The following CPNE8 variants were observed in gnomAD, a reference collection of about 807,000 sequenced individuals.
The protein encoded by CPNE8 is copine-8.
In CPNE8, 45 loss-of-function variants were observed where a neutral mutation model predicts 81.5. The ratio of observed to expected loss-of-function variants is 0.55; its 90% CI spans 0.44 to 0.71. The LOEUF (loss-of-function observed/expected upper bound fraction) is 0.71. Ranked by LOEUF, CPNE8 falls within the 30% of genes least tolerant of loss-of-function variation. CPNE8 has a pLI of 0.00. For synonymous variants in CPNE8, 252 were observed against 226.3 expected (o/e 1.11, Z -1.02); for missense variants, 594 against 672.1 (o/e 0.88, Z 1.28).
intron 10 of CPNE8, among the ~76,000 whole-genome samples, chr12:38,751,025 TATGAGATCTG>T (rs1324066298): frequency 1.3e-5 from 2 of 152,178 alleles, no homozygotes; most frequent in Non-Finnish European, 2.9e-5. Flanking sequence ...AAATAAGTCT[TATGAGATCTG>T]ATGGTTTTGA....
rs576373980 is a variant in CPNE8 at position 38,874,686 on chromosome 12, A to T, written c.99-175T>A. On this transcript the variant is annotated intron_variant, in intron 1 of 19. Coordinates refer to ENST00000331366, the MANE Select transcript of CPNE8 (RefSeq NM_153634.3). ...ATGTCCCAAGGGTCTGCTTGTATAT[A>T]TTCAGACTGAACATCACTGGACTCC... is the stretch of plus-strand genomic sequence containing the variant. 5.9e-5 allele frequency among the ~76,000 whole-genome samples: 9 copies of T among 152,324 alleles called. No homozygotes were observed. In the South Asian group the frequency reaches 1.9e-3, roughly 32 times the overall value.
chr12:38,816,114 T>C (rs2136997094), intron 6 of CPNE8, among the ~76,000 whole-genome samples: 1 of 152,296 alleles, frequency 6.6e-6, no homozygotes, highest in East Asian at 1.9e-4. Context: ...AGCAAGGCTA[T>C]TATAATTTTA....
rs149393818 is a variant in CPNE8 at position 38,828,877 on chromosome 12, T to C, written c.407+502A>G. Reference sequence around the variant, plus strand: ...ATGCAATTGACATGAAAACTAAACATGATCCTAGTAATTGAAGGTGAAGAT... The same window carrying C: ...ATGCAATTGACATGAAAACTAAACACGATCCTAGTAATTGAAGGTGAAGAT... On this transcript the variant is annotated intron_variant, in intron 6 of 19. Transcript: ENST00000331366. Among the ~76,000 whole-genome samples, 70 of 152,286 alleles carry C rather than the reference T, an allele frequency of 4.6e-4. No homozygotes were observed. The East Asian group carries it at 0.011, about 24-fold the overall frequency.
Position 38,786,597 on chromosome 12 carries a change from T to C in CPNE8, c.408-10296A>G, listed in dbSNP as rs565234833. On this transcript the variant is annotated intron_variant, in intron 6 of 19. Transcript: ENST00000331366. ...ACTTTGTGATCGTGTGAGTTATTAA[T>C]ATATATATATTCCATTAGTTCTGTC... Among the ~76,000 whole-genome samples, 10 of 152,100 alleles carry C rather than the reference T, an allele frequency of 6.6e-5. No individual in the cohort carries two copies. The South Asian group carries it at 2.1e-3, about 32-fold the overall frequency.
intron 10 of CPNE8, among the ~76,000 whole-genome samples, chr12:38,755,933 G>A (rs1401661732): frequency 6.7e-6 from 1 of 149,756 alleles, no homozygotes; most frequent in Non-Finnish European, 1.5e-5. Context: ...CCAGCTACTC[G>A]GGAGGCTGAG....
chr12:38,760,872 C>T lies in CPNE8; in HGVS notation c.697G>A (p.Val233Met), dbSNP rs762045020. The T allele has an allele frequency of 6.3e-7, 1 of 1,575,620 alleles. No individual in the cohort carries two copies. The highest frequency in any genetic ancestry group is 8.6e-7 in the Non-Finnish European group (1 of 1,167,550). ...CTTCCATCTCGGTCCCAGTCATACA[C>T]CTCTACTTTGATTGTTCTGTACATG... is the stretch of plus-strand genomic sequence containing the variant. ...GDYDRTIKVE[V>M]YDWDRDGSHD... The change falls in exon 10 of 20, where the codon GTG (valine) becomes ATG (methionine). Residue 233 changes from valine (V) to methionine (M), a missense_variant. By Grantham distance (21) the Val-to-Met change is conservative. Transcript: ENST00000331366.
At chr12:38,752,080 G>A (rs1426635033) in intron 10 of CPNE8, among the ~76,000 whole-genome samples, 1 of 152,098 alleles carries the variant, frequency 6.6e-6, no homozygotes, top group Non-Finnish European at 1.5e-5. Flanking sequence ...AAACATCTGT[G>A]TTTATTCCAT....
At chr12:38,883,444 T>C (rs980121236) in intron 1 of CPNE8, among the ~76,000 whole-genome samples, 3 of 152,206 alleles carry the variant, frequency 2.0e-5, no homozygotes, top group Admixed American at 2.0e-4. Flanking sequence ...TTGCAGAAGA[T>C]TTAATTTTGT....
intron 10 of CPNE8, among the ~76,000 whole-genome samples, chr12:38,742,389 C>G (rs544860511): frequency 4.6e-5 from 7 of 151,864 alleles, no homozygotes; most frequent in Non-Finnish European, 1.0e-4. Flanking sequence ...GGACATGGTT[C>G]GAAGCTGGAA....
intron 13 of CPNE8, among the ~76,000 whole-genome samples, chr12:38,717,429 G>GTGTATATATGTATATATATATA (rs770984926): frequency 5.7e-5 from 5 of 87,052 alleles, no homozygotes; most frequent in African/African-American, 2.3e-4. Context: ...AAAGTGTGGT[G>GTGTATATATGTATATATATATA]TATATATATA....
chr12:38,848,128 C>A (rs1475016756), intron 4 of CPNE8, among the ~76,000 whole-genome samples: 1 of 152,134 alleles, frequency 6.6e-6, no homozygotes, highest in African/African-American at 2.4e-5. Context: ...ACTCGATTAT[C>A]CTGGTCCTTG....
chr12:38,805,603 T>C (rs1321389364), intron 6 of CPNE8, among the ~76,000 whole-genome samples: 1 of 103,960 alleles, frequency 9.6e-6, no homozygotes, highest in Non-Finnish European at 2.0e-5. Context: ...ATGGCACATG[T>C]ATACATATGT....
intron 1 of CPNE8, among the ~76,000 whole-genome samples, chr12:38,897,730 CA>C (rs1944408381): frequency 6.6e-6 from 1 of 151,624 alleles, no homozygotes; most frequent in African/African-American, 2.4e-5. Context: ...ATACATGAGA[CA>C]AAAATGAACT....
At chr12:38,672,006 C>T (rs1340776305) in intron 18 of CPNE8, among the ~76,000 whole-genome samples, 1 of 152,078 alleles carries the variant, frequency 6.6e-6, no homozygotes, top group African/African-American at 2.4e-5. Flanking sequence ...AAATATAACT[C>T]ATTATGTTCA....
At chr12:38,806,399 C>T (rs1269269050) in intron 6 of CPNE8, among the ~76,000 whole-genome samples, 1 of 149,144 alleles carries the variant, frequency 6.7e-6, no homozygotes, top group Admixed American at 6.7e-5. Context: ...AAAAGCTTAT[C>T]CACCATGATC....
intron 19 of CPNE8, among the ~76,000 whole-genome samples, chr12:38,663,302 C>A (rs1176801289): frequency 2.0e-5 from 3 of 151,598 alleles, no homozygotes; most frequent in Non-Finnish European, 3.0e-5. Context: ...CAAAAACAAA[C>A]CAAAAACACC....
Position 38,732,672 on chromosome 12 carries a change from A to G in CPNE8, c.723-2314T>C, listed in dbSNP as rs1345188181. Among the ~76,000 whole-genome samples the G allele has an allele frequency of 2.0e-5, 3 of 152,078 alleles. No individual in the cohort carries two copies. The South Asian group carries it at 6.2e-4, about 31-fold the overall frequency. On this transcript the variant is annotated intron_variant, in intron 10 of 19. Coordinates refer to ENST00000331366, the MANE Select transcript of CPNE8 (RefSeq NM_153634.3). ...GTCTCTAGCAAGACATGTCTTCATG[A>G]CATACTGTCCTCTGCAGACTTTTCA... is the stretch of plus-strand genomic sequence containing the variant.
intron 11 of CPNE8, 33 bp downstream of exon 11, chr12:38,730,250 A>G: frequency 7.6e-7 from 1 of 1,313,404 alleles, no homozygotes; most frequent in Non-Finnish European, 1.1e-6. Context: ...TTTATTCTAG[A>G]AAAAAACAAT....
chr12:38,905,675 G>A, upstream of CPNE8: 1 of 1,471,628 alleles, frequency 6.8e-7, no homozygotes. Flanking sequence ...GGATGGGGGA[G>A]GGAAGGGAGG....
Sources: allele counts gnomAD v4.1 joint callset (sites outside exome capture counted in the v4.1 genomes callset), GRCh38; gene constraint gnomAD v4.1.1; transcripts MANE v1.5; gene names NCBI Gene and HGNC (gene_info 2026-07-23, HGNC 2026-07-21).